The following DNAJC13 variants were observed in gnomAD, a reference collection of about 807,000 sequenced individuals.
The protein encoded by DNAJC13 is dnaJ homolog subfamily C member 13.
DNAJC13 carries 75 observed loss-of-function variants against 290.5 expected under a neutral mutation model. The ratio of observed to expected loss-of-function variants is 0.26; its 90% CI spans 0.21 to 0.31. The LOEUF is 0.31. DNAJC13 is among the 10% of genes least tolerant of loss of function. The pLI is 1.00. For synonymous variants in DNAJC13, 862 were observed against 892.0 expected, an observed-to-expected ratio of 0.97 and a Z score of 0.60; for missense variants, 2,260 against 2,674.5, an observed-to-expected ratio of 0.85 and a Z score of 3.42.
intron 45 of DNAJC13, among the ~76,000 whole-genome samples, chr3:132,514,076 G>T (rs1009345066): frequency 6.6e-6 from 1 of 152,056 alleles, no homozygotes; most frequent in Non-Finnish European, 1.5e-5. Flanking sequence ...TTAAATAAAC[G>T]TCATTAAATG....
chr3:132,496,840 A>G (rs1935248033), intron 36 of DNAJC13, among the ~76,000 whole-genome samples, 177 bp downstream of exon 36: 1 of 152,168 alleles, frequency 6.6e-6, no homozygotes, highest in South Asian at 2.1e-4. Flanking sequence ...AAGGGCCCAA[A>G]TATTTGTTTT....
At chr3:132,501,267 G>A (rs1211133299) in intron 39 of DNAJC13, among the ~76,000 whole-genome samples, 3 of 152,124 alleles carry the variant, frequency 2.0e-5, no homozygotes, top group African/African-American at 4.8e-5. Flanking sequence ...TTGGCAAGCC[G>A]AGGTTGGCAG....
chr3:132,489,124 G>A (rs1337881723), intron 31 of DNAJC13, 103 bp downstream of exon 31: 1 of 850,624 alleles, frequency 1.2e-6, no homozygotes, highest in Non-Finnish European at 1.9e-6. Context: ...ATAAGTACTT[G>A]AGGGTAGGTA....
chr3:132,493,441 C>T (rs1935127818), intron 33 of DNAJC13, among the ~76,000 whole-genome samples: 1 of 151,950 alleles, frequency 6.6e-6, no homozygotes, highest in Non-Finnish European at 1.5e-5. Flanking sequence ...TAGATACAGG[C>T]TTTTTAGTCA....
intron 54 of DNAJC13, among the ~76,000 whole-genome samples, chr3:132,530,546 A>C (rs1936387127): frequency 6.6e-6 from 1 of 152,106 alleles, no homozygotes. Context: ...AACACTCCTG[A>C]TTGTTTCATA....
At position 132,477,841 on chromosome 3, in the gene DNAJC13, G is replaced by T; in HGVS notation, c.2498G>T (p.Arg833Ile). Reference sequence around the variant, plus strand: ...ATTAAAATAGGAGACTATTACCTGAGATTACTATTGGAGGAAGATGAGAAT... The same window carrying T: ...ATTAAAATAGGAGACTATTACCTGATATTACTATTGGAGGAAGATGAGAAT... ...EEIKIGDYYL[R>I]LLLEEDENEE... Residue 833 changes from arginine to isoleucine, a missense_variant, in exon 23 of 56, where the codon AGA (arginine) becomes ATA (isoleucine). Arg to Ile is a moderately conservative substitution (Grantham distance 97). Transcript: ENST00000260818. 1 of 1,613,612 alleles carries T rather than the reference G, an allele frequency of 6.2e-7. No individual in the cohort carries two copies. Among genetic ancestry groups the T allele is most frequent in the Non-Finnish European group, 8.5e-7 (1 of 1,179,812 alleles).
At chr3:132,462,598 C>G in intron 16 of DNAJC13, 75 bp downstream of exon 16, 1 of 1,021,250 alleles carries the variant, frequency 9.8e-7, no homozygotes, top group Non-Finnish European at 1.4e-6. Context: ...GACAATATTG[C>G]CTTTCAGTCT....
At chr3:132,449,648 T>C (rs1264953643) in intron 5 of DNAJC13, among the ~76,000 whole-genome samples, 1 of 152,228 alleles carries the variant, frequency 6.6e-6, no homozygotes, top group Admixed American at 6.5e-5. Flanking sequence ...GGGATATTAG[T>C]GGAGGTGTTC....
rs148592815 is a variant in DNAJC13, at chr3:132,509,811, T to G, written c.5116-1256T>G. Among the ~76,000 whole-genome samples, 1,071 of 152,224 alleles carry G rather than the reference T, an allele frequency of 7.0e-3. 11 individuals carry two copies. Among genetic ancestry groups the G allele is most frequent in the African/African-American group, 0.024 (1,012 of 41,526 alleles). On this transcript the variant is annotated intron_variant, in intron 43 of 55. Coordinates refer to ENST00000260818, the MANE Select transcript of DNAJC13 (RefSeq NM_015268.4). The stretch of plus-strand genomic sequence containing the variant: ...TTTTTCAGTTAAGGTATGCACGTAG[T>G]TTTTTTTAGACATGATACTATTGTA...
At chr3:132,419,137 T>C (rs1248663853) in intron 1 of DNAJC13, among the ~76,000 whole-genome samples, 1 of 152,202 alleles carries the variant, frequency 6.6e-6, no homozygotes, top group East Asian at 1.9e-4. Flanking sequence ...GTAGAAATTA[T>C]TACATTATAC....
At chr3:132,507,531 G>T (rs1248653382) in intron 43 of DNAJC13, among the ~76,000 whole-genome samples, 178 bp downstream of exon 43, 1 of 151,006 alleles carries the variant, frequency 6.6e-6, no homozygotes, top group Non-Finnish European at 1.5e-5. Context: ...CAAGCCTATT[G>T]GCACCATTTT....
rs1935767191 is a variant in DNAJC13, at chr3:132,511,128, A to G, written c.5177A>G (p.His1726Arg). The G allele has an allele frequency of 6.2e-7, 1 of 1,613,904 alleles. No individual in the cohort carries two copies. The highest frequency in any genetic ancestry group is 1.3e-5 in the African/African-American group (1 of 74,902). The change falls in exon 44 of 56, where the codon CAC becomes CGC. Residue 1726 changes from histidine (H) to arginine (R), a missense_variant. His to Arg is a conservative substitution (Grantham distance 29, BLOSUM62 0). This residue lies in a region of DNAJC13 where 1,494 missense variants were observed against 1,693.7 expected (regional missense o/e 0.88). Coordinates refer to ENST00000260818, the MANE Select transcript of DNAJC13 (RefSeq NM_015268.4). ...ATAGGCTCGCAGGCCCAATACTTGCACACATTCATGGCCATCACACACGCG... is the reference window on the plus strand; with the variant it reads ...ATAGGCTCGCAGGCCCAATACTTGCGCACATTCATGGCCATCACACACGCG... ...DYIGSQAQYLHTFMAITHAAK... is the reference protein window; with the variant it reads ...DYIGSQAQYLRTFMAITHAAK...
intron 29 of DNAJC13, among the ~76,000 whole-genome samples, chr3:132,485,122 C>A (rs996577277): frequency 4.0e-5 from 6 of 151,860 alleles, no homozygotes; most frequent in African/African-American, 1.4e-4. Flanking sequence ...GAATTACATT[C>A]ATTTCACTTA....
intron 16 of DNAJC13, 52 bp from the exon 17 acceptor site, chr3:132,463,644 A>G: frequency 6.5e-7 from 1 of 1,539,466 alleles, no homozygotes; most frequent in Middle Eastern, 1.7e-4. Context: ...TAAAGTTTGG[A>G]TAGCTTGTCC....
chr3:132,461,044 T>A lies in DNAJC13; in HGVS notation c.1558-6T>A. 6.2e-7 allele frequency: 1 copy of A among 1,613,310 alleles called. No individual in the cohort carries two copies. The highest frequency in any genetic ancestry group is 8.5e-7 in the Non-Finnish European group (1 of 1,179,716). On this transcript the variant is annotated splice_region_variant and splice_polypyrimidine_tract_variant and intron_variant, in intron 14 of 55. Transcript: ENST00000260818. ...GTCTTTAAGAGAATCTGTTGCATTG[T>A]TTCAGGATCATGGGACTGGTGCCCT...
rs1363301745 is a variant in DNAJC13, at chr3:132,496,542, A to T, written c.4035A>T (p.Lys1345Asn). ...KNPEGRDMFE[K>N]VNKAYEFLCT... ...GTTACATACAGGACATGTTTGAAAA[A>T]GTAAATAAAGCATATGAATTTTTAT... is the stretch of plus-strand genomic sequence containing the variant. Residue 1345 changes from lysine to asparagine, a missense_variant, in exon 36 of 56, where the codon AAA (lysine) becomes AAT (asparagine). Physicochemically the swap from Lys to Asn is moderately conservative, Grantham distance 94. Around this residue, in one of 3 missense-constraint regions of DNAJC13, gnomAD observed 1,494 missense variants for 1,693.7 expected, o/e 0.88. Coordinates refer to ENST00000260818, the MANE Select transcript of DNAJC13 (RefSeq NM_015268.4). 1 of 1,601,458 alleles carries T rather than the reference A, an allele frequency of 6.2e-7. No homozygotes were observed. The highest frequency in any genetic ancestry group is 1.1e-5 in the South Asian group (1 of 88,672).
chr3:132,437,577 T>C (rs1939414690), intron 2 of DNAJC13, among the ~76,000 whole-genome samples: 1 of 152,346 alleles, frequency 6.6e-6, no homozygotes, highest in South Asian at 2.1e-4. Flanking sequence ...AACTGTTCTT[T>C]CCACTTGAAT....
chr3:132,515,137 G>A (rs945333807), intron 46 of DNAJC13, among the ~76,000 whole-genome samples: 5 of 152,118 alleles, frequency 3.3e-5, no homozygotes, highest in Non-Finnish European at 7.4e-5. Context: ...CCTGAACACA[G>A]CCTGCCCTAA....
chr3:132,434,487 G>GTT, intron 1 of DNAJC13, 51 bp from the exon 2 acceptor site: 1 of 1,233,474 alleles, frequency 8.1e-7, no homozygotes, highest in South Asian at 1.4e-5. Flanking sequence ...ATCTTGGAAA[G>GTT]ATTAAAGATA....
Sources: allele counts gnomAD v4.1 joint callset (sites outside exome capture counted in the v4.1 genomes callset), GRCh38; gene constraint gnomAD v4.1.1; regional missense constraint gnomAD v4.1.1; transcripts MANE v1.5; gene names NCBI Gene and HGNC (gene_info 2026-07-23, HGNC 2026-07-21).